The following ZFPM1 variants were observed in gnomAD, a reference collection of about 807,000 sequenced individuals.
ZFPM1 encodes the protein zinc finger protein, FOG family member 1.
A neutral mutation model predicts 46.3 loss-of-function variants in ZFPM1; 28 were observed. The ratio of observed to expected loss-of-function variants is 0.60; its 90% CI spans 0.45 to 0.83. ZFPM1 has a LOEUF of 0.83. Among genes scored for constraint, ZFPM1 ranks in the 40% least tolerant of loss-of-function variants. The probability of loss-of-function intolerance (pLI) is 0.00; values close to 1 mark genes in which losing one functional copy is unlikely to be tolerated. For missense variants in ZFPM1, 1,878 were observed against 1,432.4 expected, an observed-to-expected ratio of 1.31 and a Z score of -5.02; for synonymous variants, 957 against 675.9, an observed-to-expected ratio of 1.42 and a Z score of -6.45.
rs925232269 is a variant in ZFPM1 at position 88,480,531 on chromosome 16, C to A, written c.41-5408C>A. ...GCTCACATGGGGCCTGGGCAGGCAC[C>A]TGCACCTCCACTTCCTCCCCTCTAG... On this transcript the variant is annotated intron_variant, in intron 1 of 9. Transcript: ENST00000319555. The surrounding 1 kb of genome is among the most constrained non-coding windows in gnomAD (Gnocchi z 4.9). Among the ~76,000 whole-genome samples the A allele has an allele frequency of 6.6e-6, 1 of 152,204 alleles. No individual in the cohort carries two copies. Among genetic ancestry groups the A allele is most frequent in the African/African-American group, 2.4e-5 (1 of 41,454 alleles).
At chr16:88,482,683 G>A (rs1224469518) in intron 1 of ZFPM1, among the ~76,000 whole-genome samples, 2 of 152,196 alleles carry the variant, frequency 1.3e-5, no homozygotes, top group East Asian at 3.9e-4. Context: ...CCTGAAGGCA[G>A]GTGGCCTCCA....
At chr16:88,505,358 G>A (rs1428677224) in intron 3 of ZFPM1, among the ~76,000 whole-genome samples, 2 of 152,210 alleles carry the variant, frequency 1.3e-5, no homozygotes, top group Admixed American at 6.5e-5. Flanking sequence ...CTCCCAGGCG[G>A]TGGTGCCCTC....
At chr16:88,505,418 A>T (rs1470941740) in intron 3 of ZFPM1, among the ~76,000 whole-genome samples, 3 of 152,190 alleles carry the variant, frequency 2.0e-5, no homozygotes, top group Non-Finnish European at 4.4e-5. Flanking sequence ...TGCCTTGGGG[A>T]CACAGCCGTT....
chr16:88,534,696 G>T lies in ZFPM1; in HGVS notation c.2738G>T (p.Gly913Val), dbSNP rs1913144237. ...GCCCCCGCCGCCTCCCCGCAGCCCG[G>T]GTCCCGTGGCCCCCGGGACGGCCTC... ...APAPAASPQP[G>V]SRGPRDGLGP... The change falls in exon 10 of 10, where the codon GGG (glycine) becomes GTG (valine). Residue 913 changes from glycine to valine, a missense_variant. Coordinates refer to ENST00000319555, the MANE Select transcript of ZFPM1 (RefSeq NM_153813.3). 1 of 983,584 alleles carries T rather than the reference G, an allele frequency of 1.0e-6. No homozygotes were observed. Among genetic ancestry groups the T allele is most frequent in the Non-Finnish European group, 1.2e-6 (1 of 830,742 alleles). 60.9% of individuals were successfully genotyped at this position (983,584 alleles called of 1,614,324 possible). A position where few individuals can be genotyped will look rare whatever the true frequency, so the allele number is the denominator to read the frequency against.
intron 6 of ZFPM1, among the ~76,000 whole-genome samples, chr16:88,529,369 C>T (rs1489822700): frequency 6.6e-6 from 1 of 152,178 alleles, no homozygotes; most frequent in East Asian, 1.9e-4. Context: ...CCTTTGTGAG[C>T]AAGTCGGATG....
At chr16:88,475,192 G>A (rs994053088) in intron 1 of ZFPM1, among the ~76,000 whole-genome samples, 12 of 152,258 alleles carry the variant, frequency 7.9e-5, no homozygotes, top group South Asian at 2.1e-4. Flanking sequence ...CAGAGCAGGC[G>A]AGGCAGGTGG....
chr16:88,464,611 C>T (rs567798259), intron 1 of ZFPM1, among the ~76,000 whole-genome samples: 4 of 152,364 alleles, frequency 2.6e-5, no homozygotes, highest in East Asian at 1.9e-4. Context: ...CCCCTACCCC[C>T]GCCATGGCAA....
intron 3 of ZFPM1, among the ~76,000 whole-genome samples, chr16:88,511,900 G>GA (rs1018395369): frequency 6.6e-5 from 10 of 152,310 alleles, no homozygotes; most frequent in Non-Finnish European, 1.3e-4. Flanking sequence ...GGTCCAGGGA[G>GA]ATGGGTTGTC....
Position 88,534,423 on chromosome 16 carries a change from G to T in ZFPM1, c.2465G>T (p.Cys822Phe). 2 of 1,492,356 alleles carry T rather than the reference G, an allele frequency of 1.3e-6. No individual in the cohort carries two copies. The highest frequency in any genetic ancestry group is 2.9e-5 in the African/African-American group (2 of 68,666). The allele number at this position is 1,492,356 out of a possible 1,614,324, so 92.4% of individuals were successfully genotyped here. Residue 822 changes from cysteine (C) to phenylalanine (F), a missense_variant, in exon 10 of 10, where the codon TGC becomes TTC. Coordinates refer to ENST00000319555, the MANE Select transcript of ZFPM1 (RefSeq NM_153813.3). ...GCCGACTACCACGAGTGCACGGCCT[G>T]CCGCGTGAGCTTCCACAGCCTCGAG... ...ALADYHECTACRVSFHSLEAY... is the reference protein window; with the variant it reads ...ALADYHECTAFRVSFHSLEAY...
intron 3 of ZFPM1, among the ~76,000 whole-genome samples, chr16:88,511,945 C>T (rs534426653): frequency 2.6e-5 from 4 of 152,274 alleles, no homozygotes; most frequent in African/African-American, 9.6e-5. Flanking sequence ...AGCCCCACAC[C>T]CCTCCGATCC....
At position 88,464,918 on chromosome 16, in the gene ZFPM1, G is replaced by C. The variant is rs116560293; in HGVS notation, c.40+11240G>C. Among the ~76,000 whole-genome samples the C allele has an allele frequency of 5.6e-3, 849 of 152,240 alleles. 8 individuals carry two copies. Among genetic ancestry groups the C allele is most frequent in the African/African-American group, 0.019 (804 of 41,526 alleles). On this transcript the variant is annotated intron_variant, in intron 1 of 9. Transcript: ENST00000319555. ...CCACCAGCGATCCGCTGCCTATCTC[G>C]TCCATTTCCACTCCTCCCGAAGATA...
At chr16:88,524,321 G>A (rs1259066495) in intron 4 of ZFPM1, among the ~76,000 whole-genome samples, 1 of 152,178 alleles carries the variant, frequency 6.6e-6, no homozygotes, top group Non-Finnish European at 1.5e-5. Context: ...CCAGGAATGT[G>A]CCTGCCCATT....
chr16:88,498,044 T>C (rs1245214460), intron 3 of ZFPM1, among the ~76,000 whole-genome samples: 3 of 152,116 alleles, frequency 2.0e-5, no homozygotes, highest in Non-Finnish European at 4.4e-5. Context: ...CTGCCCCCGA[T>C]AGCACTATTA....
chr16:88,509,432 C>T (rs560177943), intron 3 of ZFPM1, among the ~76,000 whole-genome samples: 48 of 152,328 alleles, frequency 3.2e-4, no homozygotes, highest in South Asian at 2.5e-3. Flanking sequence ...TTTGCACTCC[C>T]GAGACTACCA....
Position 88,536,741 on chromosome 16 carries a change from C to G in ZFPM1, c.*1762C>G, listed in dbSNP as rs146605964. 2.5e-3 allele frequency: 381 copies of G among 152,436 alleles called. 3 individuals are homozygous for G. In the South Asian group the frequency reaches 0.034, roughly 13 times the overall value. The allele number at this position is 152,436 out of a possible 1,614,324, so 9.4% of individuals were successfully genotyped here. On this transcript the variant is annotated 3_prime_UTR_variant, in exon 10 of 10. Transcript: ENST00000319555. ...AATGGACAGACATGGCTTCCACCCC[C>G]TCCCAGGGACCTGAGCTCCAGGGAA...
rs1188672863 is a variant in ZFPM1, at chr16:88,471,855, G to A, written c.41-14084G>A. ...GCCCCCGCGGGCTGGGAGGGCTCTG[G>A]GCCTCCGGCTGGCTGTGCACCATGT... On this transcript the variant is annotated intron_variant, in intron 1 of 9. Transcript: ENST00000319555. The surrounding 1 kb of genome is among the most constrained non-coding windows in gnomAD (Gnocchi z 4.1). 6.6e-6 allele frequency among the ~76,000 whole-genome samples: 1 copy of A among 152,246 alleles called. No individual in the cohort carries two copies.
chr16:88,516,176 A>G (rs934226941), intron 4 of ZFPM1: 1 of 398,518 alleles, frequency 2.5e-6, no homozygotes, highest in African/African-American at 2.1e-5. Context: ...CAAACAGCAG[A>G]GGGAGAAATA....
At chr16:88,488,026 T>C (rs922932705) in intron 2 of ZFPM1, among the ~76,000 whole-genome samples, 7 of 152,156 alleles carry the variant, frequency 4.6e-5, no homozygotes, top group African/African-American at 1.4e-4. Context: ...CTCTTAACCC[T>C]CGCGGAGCCT....
In ZFPM1 at chr16:88,533,523, G is replaced by C. The variant is rs747841274; in HGVS notation, c.1565G>C (p.Gly522Ala). 56 of 1,433,654 alleles carry C rather than the reference G, an allele frequency of 3.9e-5. No homozygotes were observed. Among genetic ancestry groups the C allele is most frequent in the Non-Finnish European group, 6.4e-6 (7 of 1,097,938 alleles). 88.8% of individuals were successfully genotyped at this position (1,433,654 alleles called of 1,614,324 possible). ...SPVPGELGLA[G>A]ALFLPQYVFG... ...GTGCCCGGCGAGCTGGGCCTGGCCG[G>C]GGCCCTGTTCCTTCCGCAGTACGTG... The change falls in exon 10 of 10, where the codon GGG becomes GCG. Residue 522 changes from glycine (G) to alanine (A), a missense_variant. Transcript: ENST00000319555.
Sources: gnomAD v4.1 joint callset for allele counts (sites outside exome capture counted in the v4.1 genomes callset) on GRCh38, gnomAD v4.1.1 for gene constraint, Gnocchi (gnomAD v3.1) non-coding constraint, MANE v1.5 for transcripts, NCBI Gene and HGNC (gene_info 2026-07-23, HGNC 2026-07-21) for gene names.